Variants in SCN3A observed in about 807,000 individuals in gnomAD.
SCN3A encodes sodium channel protein type 3 subunit alpha.
SCN3A carries 60 observed loss-of-function variants against 187.6 expected under a neutral mutation model. That is an observed-to-expected ratio of 0.32 (90% CI 0.26 to 0.40). The LOEUF (loss-of-function observed/expected upper bound fraction) is 0.40, where lower values mean the gene tolerates loss of function less well. SCN3A is among the 10% of genes least tolerant of loss of function. The pLI, the probability that SCN3A is intolerant of heterozygous loss-of-function variation, is 1.00. For missense variants in SCN3A, 1,601 were observed against 2,428.2 expected, an observed-to-expected ratio of 0.66 and a Z score of 7.16; for synonymous variants, 788 against 829.2, an observed-to-expected ratio of 0.95 and a Z score of 0.85.
rs916754800 is a variant in SCN3A at position 165,091,365 on chromosome 2, C to T, written c.4808-20G>A. ...ACATACCTATGGAAAACATAGAACA[C>T]AGCTAAACAGATAATATCTTTCACT... On this transcript the variant is annotated intron_variant, in intron 27 of 27. Coordinates refer to ENST00000283254, the MANE Select transcript of SCN3A (RefSeq NM_006922.4). The T allele has an allele frequency of 6.2e-7, 1 of 1,613,404 alleles. No individual in the cohort carries two copies. Among genetic ancestry groups the T allele is most frequent in the Non-Finnish European group, 8.5e-7 (1 of 1,179,550 alleles).
At chr2:165,145,034 C>T (rs926734927) in intron 12 of SCN3A, among the ~76,000 whole-genome samples, 33 of 152,056 alleles carry the variant, frequency 2.2e-4, no homozygotes, top group Non-Finnish European at 1.8e-4. Context: ...ATTCATTCAC[C>T]GATTTTAACT....
chr2:165,202,951 A>T (rs1199830303), intron 1 of SCN3A, among the ~76,000 whole-genome samples: 1 of 152,042 alleles, frequency 6.6e-6, no homozygotes, highest in Non-Finnish European at 1.5e-5. Flanking sequence ...GTGGTGGCTA[A>T]CTGAATGAAA....
intron 9 of SCN3A, 65 bp from the exon 10 acceptor site, chr2:165,155,968 T>C: frequency 6.2e-7 from 1 of 1,600,498 alleles, no homozygotes; most frequent in East Asian, 2.2e-5. Flanking sequence ...TTTATTTGAC[T>C]TATAGGAATT....
intron 2 of SCN3A, among the ~76,000 whole-genome samples, chr2:165,180,256 T>A (rs1690758769): frequency 1.3e-5 from 2 of 152,206 alleles, no homozygotes; most frequent in African/African-American, 4.8e-5. Flanking sequence ...ATGGAGGGAT[T>A]CTACGAATCA....
Position 165,153,837 on chromosome 2 carries a change from C to G in SCN3A, c.1380+615G>C, listed in dbSNP as rs186896584. ...GGATTTTTTTTTCTGTCTTTTAATA[C>G]AGTACTGTGTTTCCGTCTCTTCTCC... On this transcript the variant is annotated intron_variant, in intron 11 of 27. Transcript: ENST00000283254. Among the ~76,000 whole-genome samples the G allele has an allele frequency of 5.8e-3, 882 of 151,900 alleles. 4 individuals are homozygous for G. Among genetic ancestry groups the G allele is most frequent in the Admixed American group, 9.3e-3 (142 of 15,244 alleles).
At chr2:165,109,622 T>C (rs942062601) in intron 21 of SCN3A, among the ~76,000 whole-genome samples, 1 of 152,070 alleles carries the variant, frequency 6.6e-6, no homozygotes, top group Non-Finnish European at 1.5e-5. Flanking sequence ...TGGTCTAAAA[T>C]CTCCACTTTC....
In SCN3A at chr2:165,146,735, A is replaced by G. The variant is rs752791577; in HGVS notation, c.1671+4T>C. The G allele has an allele frequency of 3.7e-6, 6 of 1,613,994 alleles. No individual in the cohort carries two copies. The highest frequency in any genetic ancestry group is 1.1e-5 in the South Asian group (1 of 91,084). On this transcript the variant is annotated splice_donor_region_variant and intron_variant, in intron 12 of 27. Coordinates refer to ENST00000283254, the MANE Select transcript of SCN3A (RefSeq NM_006922.4). ...AAACCAGAGCACTTAGTAGAAAATC[A>G]TACCTGATGAGGGGAGCAGAATTTT... is the stretch of plus-strand genomic sequence containing the variant.
At chr2:165,130,430 C>G in intron 16 of SCN3A, 134 bp from the exon 17 acceptor site, 1 of 881,070 alleles carries the variant, frequency 1.1e-6, no homozygotes, top group Non-Finnish European at 1.8e-6. Context: ...GATTCAATTT[C>G]AAATCCAGAA....
intron 21 of SCN3A, among the ~76,000 whole-genome samples, chr2:165,111,270 G>C (rs904784898): frequency 1.3e-5 from 2 of 152,156 alleles, no homozygotes; most frequent in Non-Finnish European, 2.9e-5. Flanking sequence ...CAGAGACGGA[G>C]GTTGCAGTGA....
intron 12 of SCN3A, among the ~76,000 whole-genome samples, chr2:165,142,117 C>T (rs1257694519): frequency 6.6e-6 from 1 of 152,168 alleles, no homozygotes; most frequent in Non-Finnish European, 1.5e-5. Flanking sequence ...CCTCCTTGCT[C>T]TCTCATTCCC....
chr2:165,154,401 C>T, intron 11 of SCN3A, 51 bp downstream of exon 11: 1 of 1,586,266 alleles, frequency 6.3e-7, no homozygotes. Flanking sequence ...ACTATTTCTA[C>T]TTAGAAACTA....
chr2:165,139,328 T>C, intron 14 of SCN3A, 148 bp downstream of exon 14: 1 of 1,081,454 alleles, frequency 9.2e-7, no homozygotes, highest in Admixed American at 2.0e-5. Context: ...TTGTAATCAA[T>C]GTGATAATGT....
intron 1 of SCN3A, among the ~76,000 whole-genome samples, chr2:165,200,416 A>G (rs758058907): frequency 3.3e-5 from 5 of 152,116 alleles, no homozygotes; most frequent in African/African-American, 4.8e-5. Flanking sequence ...ATATCACTAT[A>G]TAATCAAGTG....
chr2:165,093,268 C>T (rs1315634931), intron 26 of SCN3A: 1 of 152,018 alleles, frequency 6.6e-6, no homozygotes, highest in Non-Finnish European at 1.5e-5. Context: ...ACCTTATTTC[C>T]CTCCCCTGAA....
chr2:165,164,514 T>A lies in SCN3A; in HGVS notation c.480A>T (p.Thr160=), dbSNP rs780524693. The A allele has an allele frequency of 3.7e-6, 6 of 1,613,668 alleles. No homozygotes were observed. Among genetic ancestry groups the A allele is most frequent in the Admixed American group, 3.3e-5 (2 of 59,964 alleles). The change falls in exon 6 of 28, where the codon ACA becomes ACT. Residue 160 remains threonine (T), a synonymous_variant. Transcript: ENST00000283254. ...PPDWTKNVEY[T]FTGIYTFESL... The stretch of plus-strand genomic sequence containing the variant: ...ACTCAAAGGTATAGATTCCAGTGAA[T>A]GTGTACCTAGGAAAAACATCCAAGC...
Position 165,089,770 on chromosome 2 carries a change from G to C in SCN3A, c.*380C>G, listed in dbSNP as rs113208147. On this transcript the variant is annotated 3_prime_UTR_variant, in exon 28 of 28. Coordinates refer to ENST00000283254, the MANE Select transcript of SCN3A (RefSeq NM_006922.4). ...ACTATGAATTGGGGACCATGGAAAT[G>C]CACTAGAACAAATTTTGTAAAAATA... is the stretch of plus-strand genomic sequence containing the variant. 1 of 194,056 alleles carries C rather than the reference G, an allele frequency of 5.2e-6. No individual in the cohort carries two copies. The highest frequency in any genetic ancestry group is 2.4e-5 in the African/African-American group (1 of 42,220). 12.0% of individuals were successfully genotyped at this position (194,056 alleles called of 1,614,324 possible). A position where few individuals can be genotyped will look rare whatever the true frequency, so the allele number is the denominator to read the frequency against.
At chr2:165,176,075 T>A in intron 3 of SCN3A, 56 bp downstream of exon 3, 1 of 1,557,128 alleles carries the variant, frequency 6.4e-7, no homozygotes, top group Non-Finnish European at 8.8e-7. Flanking sequence ...CAGAAAAGTA[T>A]ATTACAGTTA....
At position 165,138,045 on chromosome 2, in the gene SCN3A, C is replaced by A; in HGVS notation, c.2225G>T (p.Cys742Phe). 1.2e-6 allele frequency: 2 copies of A among 1,613,612 alleles called. No homozygotes were observed. Among genetic ancestry groups the A allele is most frequent in the Non-Finnish European group, 1.7e-6 (2 of 1,179,632 alleles). Residue 742 changes from cysteine to phenylalanine, a missense_variant, in exon 15 of 28, where the codon TGC becomes TTC. Coordinates refer to ENST00000283254, the MANE Select transcript of SCN3A (RefSeq NM_006922.4). ...TTTTACTTTTAACCATGCATCACAGCAGTCCCAGATCAAGAACACATTGGC... is the reference window on the plus strand; with the variant it reads ...TTTTACTTTTAACCATGCATCACAGAAGTCCCAGATCAAGAACACATTGGC... The part of the protein sequence containing the change: ...RFANVFLIWD[C>F]CDAWLKVKHL...
chr2:165,117,053 G>C (rs1686407534), intron 18 of SCN3A, among the ~76,000 whole-genome samples: 1 of 150,314 alleles, frequency 6.7e-6, no homozygotes, highest in South Asian at 2.1e-4. Context: ...TTATAGCCAG[G>C]ATATTTTTAT....
Sources: allele counts gnomAD v4.1 joint callset (sites outside exome capture counted in the v4.1 genomes callset), GRCh38; gene constraint gnomAD v4.1.1; transcripts MANE v1.5; gene names NCBI Gene and HGNC (gene_info 2026-07-23, HGNC 2026-07-21).